Variants in LMAN2L observed in about 807,000 individuals in gnomAD.
LMAN2L encodes VIP36-like protein.
Under a neutral mutation model 44.3 loss-of-function variants are expected in LMAN2L, and 30 were observed. That is an observed-to-expected ratio of 0.68 (90% CI 0.51 to 0.92). The LOEUF is 0.92. Ranked by LOEUF, LMAN2L falls within the 40% of genes least tolerant of loss-of-function variation. The pLI is 0.00. For synonymous variants in LMAN2L, 183 were observed against 171.1 expected, an observed-to-expected ratio of 1.07 and a Z score of -0.54; for missense variants, 429 against 446.1, an observed-to-expected ratio of 0.96 and a Z score of 0.35.
intron 2 of LMAN2L, among the ~76,000 whole-genome samples, chr2:96,735,841 A>C (rs2078504006): frequency 6.6e-6 from 1 of 151,060 alleles, no homozygotes; most frequent in African/African-American, 2.5e-5. Context: ...CCATCTCAAA[A>C]AAAAAAAAAA....
rs1206954397 is a variant in LMAN2L at position 96,712,967 on chromosome 2, G to C, written c.508-942C>G. 4.3e-6 allele frequency: 3 copies of C among 699,948 alleles called. No homozygotes were observed. In the African/African-American group the frequency reaches 5.3e-5, roughly 12 times the overall value. 43.4% of individuals were successfully genotyped at this position (699,948 alleles called of 1,614,324 possible). ...GAGTATTTGTCCCTTTGTCCCAAAT[G>C]GTTAACATGCAAGATGGAGATGCAG... On this transcript the variant is annotated intron_variant, in intron 4 of 7. Coordinates refer to ENST00000264963, the MANE Select transcript of LMAN2L (RefSeq NM_030805.4).
chr2:96,720,501 G>C (rs1293928167), intron 4 of LMAN2L, among the ~76,000 whole-genome samples: 1 of 148,982 alleles, frequency 6.7e-6, no homozygotes, highest in Non-Finnish European at 1.5e-5. Context: ...ATTTTTTGTA[G>C]AGATGAGGAC....
At chr2:96,721,994 G>A (rs12994989) in intron 4 of LMAN2L, among the ~76,000 whole-genome samples, 21,945 of 151,640 alleles carry the variant, frequency 0.14, 2,228 homozygotes, top group Middle Eastern at 0.25. Flanking sequence ...TTGAGACGGA[G>A]TCTCACTCTG....
At chr2:96,737,045 A>C (rs1217239748) in intron 2 of LMAN2L, 1 of 399,550 alleles carries the variant, frequency 2.5e-6, no homozygotes, top group Non-Finnish European at 4.8e-6. Context: ...TTCCAGAGAA[A>C]GTATCAAAGG....
At chr2:96,728,438 G>A (rs1182249264) in intron 4 of LMAN2L, among the ~76,000 whole-genome samples, 5 of 151,240 alleles carry the variant, frequency 3.3e-5, no homozygotes, top group Admixed American at 6.6e-5. Context: ...CCCAGGAGGC[G>A]GACCTTGCAG....
chr2:96,726,391 G>C (rs2078272169), intron 4 of LMAN2L, among the ~76,000 whole-genome samples: 1 of 151,764 alleles, frequency 6.6e-6, no homozygotes, highest in Non-Finnish European at 1.5e-5. Context: ...AGGTCCTCCA[G>C]TACAACGTTA....
intron 1 of LMAN2L, among the ~76,000 whole-genome samples, chr2:96,738,638 G>A (rs2078566831): frequency 6.6e-6 from 1 of 152,120 alleles, no homozygotes; most frequent in Non-Finnish European, 1.5e-5. Flanking sequence ...TTGTGCCACT[G>A]CACTCCAGCC....
intron 4 of LMAN2L, among the ~76,000 whole-genome samples, chr2:96,718,421 T>C (rs577848834): frequency 6.6e-6 from 1 of 152,376 alleles, no homozygotes; most frequent in Non-Finnish European, 1.5e-5. Flanking sequence ...TACAACATGA[T>C]ACAATGTCTT....
intron 4 of LMAN2L, among the ~76,000 whole-genome samples, chr2:96,730,235 A>G (rs1235956373): frequency 6.6e-6 from 1 of 152,186 alleles, no homozygotes; most frequent in Non-Finnish European, 1.5e-5. Context: ...AACTCTTGTC[A>G]GGCCCTAAAG....
chr2:96,724,254 A>T (rs1007974222), intron 4 of LMAN2L, among the ~76,000 whole-genome samples: 1 of 152,296 alleles, frequency 6.6e-6, no homozygotes, highest in Admixed American at 6.5e-5. Flanking sequence ...TGAAATCAGG[A>T]AGTGTGAGCA....
In LMAN2L at chr2:96,706,155, A is replaced by C. The variant is rs2077774609; in HGVS notation, c.*1101T>G. 1 of 152,606 alleles carries C rather than the reference A, an allele frequency of 6.6e-6. No individual in the cohort carries two copies. The highest frequency in any genetic ancestry group is 1.5e-5 in the Non-Finnish European group (1 of 68,048). The allele number at this position is 152,606 out of a possible 1,614,324, so 9.5% of individuals were successfully genotyped here. On this transcript the variant is annotated 3_prime_UTR_variant, in exon 8 of 8. Transcript: ENST00000264963. ...AATGACAGTGAACTCTTCCAGGCAC[A>C]GATGATGAGGGTCTGTTGCTCTCAG...
At chr2:96,707,477 C>T in intron 7 of LMAN2L, 79 bp from the exon 8 acceptor site, 1 of 1,462,714 alleles carries the variant, frequency 6.8e-7, no homozygotes, top group Non-Finnish European at 9.1e-7. Flanking sequence ...GGCTGTCCGG[C>T]CCCCAGTTTC....
At chr2:96,709,608 T>C (rs2153320438) in intron 6 of LMAN2L, among the ~76,000 whole-genome samples, 1 of 152,340 alleles carries the variant, frequency 6.6e-6, no homozygotes, top group Non-Finnish European at 1.5e-5. Context: ...GGAAAAATGT[T>C]AACTGTCAGA....
intron 1 of LMAN2L, among the ~76,000 whole-genome samples, chr2:96,739,354 G>C (rs975570559): frequency 6.6e-6 from 1 of 152,210 alleles, no homozygotes; most frequent in Non-Finnish European, 1.5e-5. Flanking sequence ...GATAAGCTGT[G>C]CTTAGAGTTC....
chr2:96,732,421 G>A (rs995873800), intron 4 of LMAN2L, among the ~76,000 whole-genome samples: 5 of 151,616 alleles, frequency 3.3e-5, no homozygotes, highest in Middle Eastern at 3.2e-3. Flanking sequence ...CGAGACAGGC[G>A]GATCACGAGG....
rs1360482528 is a variant in LMAN2L, at chr2:96,706,057, A to T, written c.*1199T>A. 6.6e-6 allele frequency: 1 copy of T among 152,654 alleles called. No individual in the cohort carries two copies. The highest frequency in any genetic ancestry group is 1.5e-5 in the Non-Finnish European group (1 of 68,070). 9.5% of individuals were successfully genotyped at this position (152,654 alleles called of 1,614,324 possible). On this transcript the variant is annotated 3_prime_UTR_variant, in exon 8 of 8. Coordinates refer to ENST00000264963, the MANE Select transcript of LMAN2L (RefSeq NM_030805.4). ...TTAATCCCAGGGCAGTAAGGTGAGCAGCATGTAACCCCTTGTCAAATAAGG... is the reference window on the plus strand; with the variant it reads ...TTAATCCCAGGGCAGTAAGGTGAGCTGCATGTAACCCCTTGTCAAATAAGG...
At chr2:96,733,829 C>T (rs1156895437) in intron 3 of LMAN2L, among the ~76,000 whole-genome samples, 1 of 152,112 alleles carries the variant, frequency 6.6e-6, no homozygotes, top group Non-Finnish European at 1.5e-5. Flanking sequence ...GAGAGAAGGC[C>T]ACTGCAACCT....
At chr2:96,736,819 T>C (rs1202820521) in intron 2 of LMAN2L, among the ~76,000 whole-genome samples, 6 of 152,184 alleles carry the variant, frequency 3.9e-5, no homozygotes, top group Non-Finnish European at 4.4e-5. Context: ...AACTGTCCTT[T>C]ATCTCTGCTA....
chr2:96,720,895 C>T (rs753493957), intron 4 of LMAN2L, among the ~76,000 whole-genome samples: 2 of 151,940 alleles, frequency 1.3e-5, no homozygotes, highest in African/African-American at 4.8e-5. Context: ...GCCAAGATCA[C>T]GCCACTGCAC....
Sources: allele counts gnomAD v4.1 joint callset (sites outside exome capture counted in the v4.1 genomes callset), GRCh38; gene constraint gnomAD v4.1.1; transcripts MANE v1.5; gene names NCBI Gene and HGNC (gene_info 2026-07-23, HGNC 2026-07-21).